ACCSL: variants seen among roughly 807,000 people sequenced by gnomAD.
ACCSL encodes the protein 1-aminocyclopropane-1-carboxylate synthase homolog (inactive) like, also known as probable inactive 1-aminocyclopropane-1-carboxylate synthase-like protein 2.
In ACCSL, 55 loss-of-function variants were observed where a neutral mutation model predicts 61.7. That is an observed-to-expected ratio of 0.89 (90% CI 0.72 to 1.12). ACCSL has a LOEUF of 1.12. Among genes scored for constraint, ACCSL ranks in the 50% most tolerant of loss-of-function variants. The pLI is 0.00. For missense variants in ACCSL, 632 were observed against 698.0 expected, an observed-to-expected ratio of 0.91 and a Z score of 1.07; for synonymous variants, 258 against 264.3, an observed-to-expected ratio of 0.98 and a Z score of 0.23.
chr11:44,009,348 C>T, the ACCSL span, among the ~76,000 whole-genome samples: 2 of 152,196 alleles, frequency 1.3e-5, no homozygotes, highest in African/African-American at 4.8e-5. Context: ...GAGGGTTCTA[C>T]TGTTGCCAGG....
At chr11:43,968,761 T>G in the ACCSL span, among the ~76,000 whole-genome samples, 1 of 152,142 alleles carries the variant, frequency 6.6e-6, no homozygotes, top group African/African-American at 2.4e-5. Context: ...AGTGGTGAGA[T>G]TCACAACTAG....
the ACCSL span, among the ~76,000 whole-genome samples, chr11:43,931,639 G>A: frequency 4.6e-5 from 7 of 152,180 alleles, no homozygotes; most frequent in East Asian, 5.8e-4. Context: ...GGAGATAGTC[G>A]TACTGCTCTG....
At chr11:44,029,969 T>TTTTTATTTTATTTTA in the ACCSL span, among the ~76,000 whole-genome samples, 1,190 of 94,512 alleles carry the variant, frequency 0.013, 16 homozygotes, top group Middle Eastern at 0.033. Flanking sequence ...CTGGGCCTTG[T>TTTTTATTTTATTTTA]TTTTATTTTA....
At chr11:43,966,037 A>G in the ACCSL span, among the ~76,000 whole-genome samples, 1 of 152,220 alleles carries the variant, frequency 6.6e-6, no homozygotes, top group African/African-American at 2.4e-5. Context: ...AGTCTTCACG[A>G]CCTTGGATTT....
the ACCSL span, among the ~76,000 whole-genome samples, chr11:43,988,819 T>C: frequency 4.1e-5 from 6 of 145,660 alleles, no homozygotes; most frequent in Non-Finnish European, 7.5e-5. Context: ...TTTTTTTTTT[T>C]TTTTTTTTTT....
the ACCSL span, among the ~76,000 whole-genome samples, chr11:43,932,430 G>A: frequency 1.3e-5 from 2 of 152,154 alleles, no homozygotes; most frequent in African/African-American, 4.8e-5. Flanking sequence ...AACATGCCGG[G>A]CTAACTTTTT....
the ACCSL span, chr11:43,924,910 GAGAGGAGGGGAGCCCCACAGA>G: frequency 6.4e-6 from 1 of 156,164 alleles, no homozygotes; most frequent in Admixed American, 6.2e-5. Context: ...GAAAGTCAGA[GAGAGGAGGGGAGCCCCACAGA>G]AGTGTCTCCT....
At chr11:44,000,218 G>A in the ACCSL span, among the ~76,000 whole-genome samples, 8 of 149,530 alleles carry the variant, frequency 5.4e-5, no homozygotes, top group Admixed American at 2.0e-4. Context: ...TCCGCCTCCC[G>A]GGTGCAAGCG....
chr11:44,019,697 T>A, the ACCSL span, among the ~76,000 whole-genome samples: 1 of 152,210 alleles, frequency 6.6e-6, no homozygotes, highest in Non-Finnish European at 1.5e-5. Context: ...CTTTTGAAAG[T>A]TATCTTTTTA....
chr11:43,948,003 G>A, the ACCSL span, among the ~76,000 whole-genome samples: 1 of 152,216 alleles, frequency 6.6e-6, no homozygotes, highest in African/African-American at 2.4e-5. Context: ...GTCCTAGCCT[G>A]GGTGATGAGT....
chr11:44,043,773 G>T (rs1458138253), upstream of ACCSL, among the ~76,000 whole-genome samples: 1 of 152,018 alleles, frequency 6.6e-6, no homozygotes, highest in Non-Finnish European at 1.5e-5. Flanking sequence ...CTTCTTCCAG[G>T]TTAGTAATTT....
chr11:44,010,192 T>C, the ACCSL span, among the ~76,000 whole-genome samples: 1 of 151,890 alleles, frequency 6.6e-6, no homozygotes, highest in Non-Finnish European at 1.5e-5. Context: ...AATACAAAAT[T>C]AGCCAGGCAT....
At chr11:43,969,863 G>A in the ACCSL span, among the ~76,000 whole-genome samples, 2 of 151,972 alleles carry the variant, frequency 1.3e-5, no homozygotes, top group African/African-American at 4.8e-5. Flanking sequence ...AGAAGCAACT[G>A]TCTGCAGAGA....
At chr11:43,943,306 C>G in the ACCSL span, 3 of 1,443,528 alleles carry the variant, frequency 2.1e-6, no homozygotes, top group East Asian at 3.0e-5. This position sits in a 1 kb window ranked among gnomAD's most constrained non-coding sequence, Gnocchi z 4.8. Context: ...CGCGCGCGTC[C>G]GCGGTCCGCG....
chr11:44,059,488 C>T (rs1034604348), intron 13 of ACCSL, among the ~76,000 whole-genome samples: 3 of 152,142 alleles, frequency 2.0e-5, no homozygotes, highest in Non-Finnish European at 4.4e-5. Context: ...TGTTCATTCT[C>T]ATGAAGGTTT....
At chr11:44,042,923 A>C in the ACCSL span, among the ~76,000 whole-genome samples, 7 of 152,216 alleles carry the variant, frequency 4.6e-5, no homozygotes, top group East Asian at 1.4e-3. Context: ...TCTACAAAAA[A>C]TACAACAAAA....
upstream of ACCSL, among the ~76,000 whole-genome samples, chr11:44,044,575 G>A (rs1348796032): frequency 2.0e-5 from 3 of 152,080 alleles, no homozygotes; most frequent in African/African-American, 4.8e-5. Flanking sequence ...GCCATACCCA[G>A]AAGGAAGAAT....
At chr11:43,934,464 CCACACACACACGCGCACACACATGCG>C in the ACCSL span, among the ~76,000 whole-genome samples, 1 of 152,104 alleles carries the variant, frequency 6.6e-6, no homozygotes, top group Admixed American at 6.6e-5. Flanking sequence ...CATTTGCATT[CCACACACACACGCGCACACACATGCG>C]CACACACACA....
chr11:44,054,706 C>T (rs546917352), intron 8 of ACCSL, among the ~76,000 whole-genome samples: 27 of 152,252 alleles, frequency 1.8e-4, no homozygotes, highest in South Asian at 1.7e-3. Context: ...CCACCCACCT[C>T]GGCCTCCCAA....
Sources: gnomAD v4.1 joint callset for allele counts (sites outside exome capture counted in the v4.1 genomes callset) on GRCh38, gnomAD v4.1.1 for gene constraint, Gnocchi (gnomAD v3.1) non-coding constraint, MANE v1.5 for transcripts, NCBI Gene and HGNC (gene_info 2026-07-23, HGNC 2026-07-21) for gene names.